Variants in ITPR1 observed in about 807,000 individuals in gnomAD.
ITPR1 encodes the protein inositol 1,4,5-trisphosphate receptor type 1.
In ITPR1, 96 loss-of-function variants were observed where a neutral mutation model predicts 318.4. The ratio of observed to expected loss-of-function variants is 0.30; its 90% confidence interval spans 0.26 to 0.36. The LOEUF (loss-of-function observed/expected upper bound fraction) is 0.36, where lower values mean the gene tolerates loss of function less well. Ranked by LOEUF, ITPR1 falls within the 10% of genes least tolerant of loss-of-function variation. The pLI is 1.00. For missense variants in ITPR1, 2,440 were observed against 3,460.2 expected, an observed-to-expected ratio of 0.71 and a Z score of 7.40; for synonymous variants, 1,312 against 1,289.9, an observed-to-expected ratio of 1.02 and a Z score of -0.37.
intron 4 of ITPR1, among the ~76,000 whole-genome samples, chr3:4,544,111 T>G (rs1326777955): frequency 6.6e-6 from 1 of 152,226 alleles, no homozygotes; most frequent in Non-Finnish European, 1.5e-5. Context: ...ATTTCATTAG[T>G]CAAAATTGGG....
At chr3:4,581,657 C>G (rs1247438616) in intron 4 of ITPR1, among the ~76,000 whole-genome samples, 1 of 152,214 alleles carries the variant, frequency 6.6e-6, no homozygotes, top group African/African-American at 2.4e-5. Flanking sequence ...ACCAAATGCT[C>G]AGAAACCATT....
At chr3:4,767,258 C>A (rs116329593) in intron 45 of ITPR1, among the ~76,000 whole-genome samples, 271 of 152,302 alleles carry the variant, frequency 1.8e-3, no homozygotes, top group African/African-American at 6.1e-3. Context: ...TTGGAGAATT[C>A]TTTGTTACAG....
chr3:4,825,335 G>A (rs2106518396), intron 60 of ITPR1, among the ~76,000 whole-genome samples: 1 of 152,318 alleles, frequency 6.6e-6, no homozygotes, highest in Admixed American at 6.5e-5. Flanking sequence ...GGCTCAATGT[G>A]GCAGCAAGTG....
chr3:4,738,103 A>G (rs144837401), intron 44 of ITPR1, among the ~76,000 whole-genome samples: 33 of 152,256 alleles, frequency 2.2e-4, no homozygotes, highest in African/African-American at 7.7e-4. Context: ...AAAAATAACT[A>G]ATGGGTACTA....
chr3:4,626,656 A>T (rs1414062936), intron 4 of ITPR1, among the ~76,000 whole-genome samples: 1 of 152,184 alleles, frequency 6.6e-6, no homozygotes, highest in African/African-American at 2.4e-5. Flanking sequence ...AAACCGAGGC[A>T]TGCTAAATGG....
At chr3:4,679,074 A>C (rs2094244642) in intron 24 of ITPR1, among the ~76,000 whole-genome samples, 1 of 152,140 alleles carries the variant, frequency 6.6e-6, no homozygotes, top group African/African-American at 2.4e-5. Context: ...AGCAGGGAGA[A>C]ACGGCAGTAG....
At chr3:4,632,524 C>G (rs147352373) in intron 5 of ITPR1, among the ~76,000 whole-genome samples, 1 of 152,092 alleles carries the variant, frequency 6.6e-6, no homozygotes, top group Admixed American at 6.6e-5. Flanking sequence ...GCTGCTGCCA[C>G]GTCTTCCACT....
intron 2 of ITPR1, among the ~76,000 whole-genome samples, chr3:4,498,584 C>G (rs891463345): frequency 6.6e-6 from 1 of 152,170 alleles, no homozygotes; most frequent in Non-Finnish European, 1.5e-5. Context: ...ACTACATTGT[C>G]CTTTCTGAAG....
At position 4,645,587 on chromosome 3, in the gene ITPR1, C is replaced by T. The variant is rs368692477; in HGVS notation, c.714C>T (p.Asp238=). 3.4e-5 allele frequency: 55 copies of T among 1,613,096 alleles called. 1 individual carries two copies. Among genetic ancestry groups the T allele is most frequent in the East Asian group, 2.0e-4 (9 of 44,850 alleles). The change falls in exon 10 of 62, where the codon GAC becomes GAT. Residue 238 remains aspartate, a synonymous_variant. Transcript: ENST00000649015. ...TTTCTTGTGTTGACTGTCAGGGTGA[C>T]GTGGTGAGGCTGTTTCATGCTGAGC... ...DNKDDILKGG[D]VVRLFHAEQE... is the part of the protein sequence containing the mutation.
chr3:4,565,209 GAGGCTTAGTTCCAGAA>G (rs920755072), intron 4 of ITPR1, among the ~76,000 whole-genome samples: 40 of 152,174 alleles, frequency 2.6e-4, no homozygotes, highest in African/African-American at 9.2e-4. Flanking sequence ...TGAGGGAACT[GAGGCTTAGTTCCAGAA>G]AGAACCTTCA....
At chr3:4,659,052 G>A (rs181417779) in intron 13 of ITPR1, among the ~76,000 whole-genome samples, 3 of 152,278 alleles carry the variant, frequency 2.0e-5, no homozygotes, top group South Asian at 2.1e-4. Flanking sequence ...AGTGAGTCCC[G>A]TAGCAGAACC....
At chr3:4,524,282 C>T (rs562817411) in intron 4 of ITPR1, among the ~76,000 whole-genome samples, 37 of 122,454 alleles carry the variant, frequency 3.0e-4, no homozygotes, top group Admixed American at 2.6e-3. Flanking sequence ...CCTTCAACTG[C>T]GGTGCAGCAT....
intron 4 of ITPR1, among the ~76,000 whole-genome samples, chr3:4,535,240 T>C (rs1211602613): frequency 1.3e-5 from 2 of 152,046 alleles, no homozygotes; most frequent in East Asian, 3.9e-4. Flanking sequence ...TATTTTCAGA[T>C]CTGTCAGGAA....
chr3:4,842,616 C>T (rs966510451), intron 61 of ITPR1, among the ~76,000 whole-genome samples: 1 of 152,148 alleles, frequency 6.6e-6, no homozygotes, highest in African/African-American at 2.4e-5. Flanking sequence ...GATCTGCCTC[C>T]CAAAGTGCTG....
chr3:4,806,010 G>C, intron 54 of ITPR1, 93 bp from the exon 55 acceptor site: 2 of 1,114,224 alleles, frequency 1.8e-6, no homozygotes, highest in South Asian at 1.7e-5. Context: ...TGGGCACGGT[G>C]ACTGAAATAC....
chr3:4,619,845 C>A (rs1421261450), intron 4 of ITPR1, among the ~76,000 whole-genome samples: 4 of 144,980 alleles, frequency 2.8e-5, no homozygotes, highest in Admixed American at 2.1e-4. Flanking sequence ...CTCCCCTCTC[C>A]TTCTCTCTTT....
chr3:4,842,723 A>G (rs2051444048), intron 61 of ITPR1, among the ~76,000 whole-genome samples: 1 of 152,188 alleles, frequency 6.6e-6, no homozygotes, highest in Non-Finnish European at 1.5e-5. Flanking sequence ...ATGTTTCAAT[A>G]TTAGAATTTT....
chr3:4,779,478 T>C lies in ITPR1; in HGVS notation c.6292-72T>C, dbSNP rs1012733653. 1.9e-5 allele frequency: 21 copies of C among 1,092,946 alleles called. 1 individual carries two copies. Among genetic ancestry groups the C allele is most frequent in the African/African-American group, 3.1e-5 (2 of 64,780 alleles). The allele number at this position is 1,092,946 out of a possible 1,614,324, so 67.7% of individuals were successfully genotyped here. A position where few individuals can be genotyped will look rare whatever the true frequency, so the allele number is the denominator to read the frequency against. On this transcript the variant is annotated intron_variant, in intron 48 of 61. Coordinates refer to ENST00000649015, the MANE Select transcript of ITPR1 (RefSeq NM_001378452.1). The surrounding 1 kb of genome is among the most constrained non-coding windows in gnomAD (Gnocchi z 4.0). ...AGCCGGGATGCCTCCCATGTGCCAG[T>C]TGGCACCTGCATTCAGGCCGGGCCC...
chr3:4,528,598 G>A (rs2083167381), intron 4 of ITPR1, among the ~76,000 whole-genome samples: 1 of 152,176 alleles, frequency 6.6e-6, no homozygotes, highest in Admixed American at 6.5e-5. Context: ...AAAGGGGAGG[G>A]CCTAACTTAA....
Sources: gnomAD v4.1 joint callset for allele counts (sites outside exome capture counted in the v4.1 genomes callset) on GRCh38, gnomAD v4.1.1 for gene constraint, Gnocchi (gnomAD v3.1) non-coding constraint, MANE v1.5 for transcripts, NCBI Gene and HGNC (gene_info 2026-07-23, HGNC 2026-07-21) for gene names.